The following DHX57 variants were observed in gnomAD, a reference collection of about 807,000 sequenced individuals.
The protein encoded by DHX57 is putative ATP-dependent RNA helicase DHX57.
Under a neutral mutation model 156.2 loss-of-function variants are expected in DHX57, and 105 were observed. The ratio of observed to expected loss-of-function variants is 0.67; its 90% CI spans 0.57 to 0.79. The LOEUF is 0.79. Ranked by LOEUF, DHX57 falls within the 30% of genes least tolerant of loss-of-function variation. The pLI is 0.00. For missense variants in DHX57, 1,847 were observed against 1,661.9 expected (o/e 1.11, Z -1.94); for synonymous variants, 704 against 595.6 (o/e 1.18, Z -2.65).
chr2:38,843,055 G>T lies in DHX57; in HGVS notation c.2375C>A (p.Ala792Glu). 6.2e-7 allele frequency: 1 copy of T among 1,614,186 alleles called. No individual in the cohort carries two copies. Among genetic ancestry groups the T allele is most frequent in the Non-Finnish European group, 8.5e-7 (1 of 1,180,004 alleles). ...HLQDQDSVKD[A>E]VPDQQLDFKQ... ...AAAATCTAACTGTTGATCTGGCACT[G>T]CATCTTTGACAGAATCCTGATCCTG... The change falls in exon 12 of 24, where the codon GCA becomes GAA. Residue 792 changes from alanine to glutamate, a missense_variant. Physicochemically the swap from Ala to Glu is moderately radical, Grantham distance 107. Transcript: ENST00000457308.
intron 9 of DHX57, among the ~76,000 whole-genome samples, chr2:38,850,962 G>A (rs553445033): frequency 7.9e-5 from 12 of 151,944 alleles, no homozygotes; most frequent in African/African-American, 1.5e-4. Flanking sequence ...CTGTAGTTGC[G>A]GCTACTTGGG....
chr2:38,859,578 G>C (rs1219998473), intron 5 of DHX57, among the ~76,000 whole-genome samples: 3 of 152,134 alleles, frequency 2.0e-5, no homozygotes, highest in Non-Finnish European at 4.4e-5. Flanking sequence ...TAGAAAAAAA[G>C]TGCATGACAC....
At chr2:38,859,936 G>C (rs746774243) in intron 5 of DHX57, among the ~76,000 whole-genome samples, 1 of 151,094 alleles carries the variant, frequency 6.6e-6, no homozygotes, top group Non-Finnish European at 1.5e-5. Context: ...TCAGCCTCTT[G>C]AGTACCTGGG....
rs534508973 is a variant in DHX57 at position 38,810,858 on chromosome 2, G to T, written c.3681+2963C>A. The T allele has an allele frequency of 5.0e-5, 37 of 742,480 alleles. 1 individual carries two copies. The highest frequency in any genetic ancestry group is 4.3e-4 in the South Asian group (32 of 74,590). The allele number at this position is 742,480 out of a possible 1,614,324, so 46.0% of individuals were successfully genotyped here. ...AGATACCTCAGGACTTCATTTCAAT[G>T]AAGCGGTTCTCCACGATGTCAATAT... On this transcript the variant is annotated intron_variant, in intron 21 of 23. Coordinates refer to ENST00000457308, the MANE Select transcript of DHX57 (RefSeq NM_198963.3).
At chr2:38,806,779 T>C (rs1167359926) in intron 21 of DHX57, 86 bp from the exon 22 acceptor site, 2 of 1,273,324 alleles carry the variant, frequency 1.6e-6, no homozygotes, top group Admixed American at 4.9e-5. Context: ...ACAAAACCAG[T>C]CTTGCTCAGT....
rs554619191 is a variant in DHX57 at position 38,798,819 on chromosome 2, C to A, written c.4018-377G>T. Among the ~76,000 whole-genome samples the A allele has an allele frequency of 8.5e-5, 13 of 152,256 alleles. No homozygotes were observed. In the South Asian group the frequency reaches 2.7e-3, roughly 32 times the overall value. Reference sequence around the variant, plus strand: ...ATTAGCGAGTTGTGGTGGCATGCGCCTGTAATCCCAGCTACTCAGAGGCTG... The same window carrying A: ...ATTAGCGAGTTGTGGTGGCATGCGCATGTAATCCCAGCTACTCAGAGGCTG... On this transcript the variant is annotated intron_variant, in intron 23 of 23. Transcript: ENST00000457308.
In DHX57 at chr2:38,862,282, A is replaced by G; in HGVS notation, c.435T>C (p.Asp145=). The change falls in exon 4 of 24, where the codon GAT becomes GAC. Residue 145 remains aspartate, a synonymous_variant. Transcript: ENST00000457308. ...CCTGTCCAGCTGGCCAGTACCGCTCATCGTTACAGCAATCAGGCTCATCAT... is the reference window on the plus strand; with the variant it reads ...CCTGTCCAGCTGGCCAGTACCGCTCGTCGTTACAGCAATCAGGCTCATCAT... ...EEDDEPDCCN[D]ERYWPAGQEP... 6.2e-7 allele frequency: 1 copy of G among 1,610,268 alleles called. No homozygotes were observed. The highest frequency in any genetic ancestry group is 8.5e-7 in the Non-Finnish European group (1 of 1,177,366).
At chr2:38,828,617 G>A (rs1009993189) in intron 13 of DHX57, among the ~76,000 whole-genome samples, 181 bp from the exon 14 acceptor site, 1 of 151,938 alleles carries the variant, frequency 6.6e-6, no homozygotes, top group African/African-American at 2.4e-5. Context: ...CAGCTACTCG[G>A]CAGGCTGAGG....
At chr2:38,852,400 A>G (rs1291876775) in intron 9 of DHX57, among the ~76,000 whole-genome samples, 2 of 148,144 alleles carry the variant, frequency 1.4e-5, no homozygotes, top group East Asian at 3.9e-4. Flanking sequence ...CAGTCCACCA[A>G]GTTTACTTAG....
At chr2:38,835,279 T>A (rs553109519) in intron 13 of DHX57, among the ~76,000 whole-genome samples, 169 of 152,306 alleles carry the variant, frequency 1.1e-3, no homozygotes, top group African/African-American at 3.7e-3. Flanking sequence ...CAGGAAGGGA[T>A]AGGCTAAATC....
At chr2:38,846,240 T>C (rs999130690) in intron 11 of DHX57, among the ~76,000 whole-genome samples, 3 of 152,220 alleles carry the variant, frequency 2.0e-5, no homozygotes, top group Admixed American at 2.0e-4. Flanking sequence ...ATTAATTCAT[T>C]AATTTTTTAA....
chr2:38,822,480 G>A (rs1670874222), intron 17 of DHX57, among the ~76,000 whole-genome samples: 2 of 151,872 alleles, frequency 1.3e-5, no homozygotes, highest in South Asian at 2.1e-4. Context: ...AGCAACCTCC[G>A]CCTCCCAGGT....
At position 38,855,144 on chromosome 2, in the gene DHX57, T is replaced by A. The variant is rs745987423; in HGVS notation, c.1818A>T (p.Ala606=). 58 of 1,614,042 alleles carry A rather than the reference T, an allele frequency of 3.6e-5. No homozygotes were observed. Among genetic ancestry groups the A allele is most frequent in the South Asian group, 8.8e-5 (8 of 91,086 alleles). The change falls in exon 8 of 24, where the codon GCA becomes GCT. Residue 606 remains alanine (A), a synonymous_variant. Coordinates refer to ENST00000457308, the MANE Select transcript of DHX57 (RefSeq NM_198963.3). Reference sequence around the variant, plus strand: ...TAGCAACGCGTTCAGCAACAGAGATTGCAGAGATTCGTCGGGGTTGGGTAC... The same window carrying A: ...TAGCAACGCGTTCAGCAACAGAGATAGCAGAGATTCGTCGGGGTTGGGTAC... The part of the protein sequence containing the change: ...IICTQPRRIS[A]ISVAERVAKE...
Position 38,826,423 on chromosome 2 carries a change from C to T in DHX57, c.2813+93G>A, listed in dbSNP as rs530933468. 9 of 1,397,972 alleles carry T rather than the reference C, an allele frequency of 6.4e-6. No homozygotes were observed. In the Admixed American group the frequency reaches 1.4e-4, roughly 22 times the overall value. The allele number at this position is 1,397,972 out of a possible 1,614,324, so 86.6% of individuals were successfully genotyped here. ...ACAAAGTATTTTTTCATACAGTAAT[C>T]CGTGTAGCTTAATAGCATTAGCCAC... On this transcript the variant is annotated intron_variant, in intron 15 of 23. Transcript: ENST00000457308.
At chr2:38,847,884 C>A (rs552445163) in intron 10 of DHX57, among the ~76,000 whole-genome samples, 19 of 152,102 alleles carry the variant, frequency 1.2e-4, no homozygotes, top group East Asian at 3.9e-4. Context: ...GAGATGGAGA[C>A]CATCCTGGCT....
chr2:38,835,743 T>A (rs750568453), intron 13 of DHX57, among the ~76,000 whole-genome samples: 4 of 152,162 alleles, frequency 2.6e-5, no homozygotes, highest in African/African-American at 9.7e-5. Flanking sequence ...ACGGTTGTTA[T>A]TGAAAAAGTG....
intron 12 of DHX57, among the ~76,000 whole-genome samples, chr2:38,841,269 C>A (rs1007836782): frequency 1.3e-5 from 2 of 152,128 alleles, no homozygotes; most frequent in African/African-American, 4.8e-5. Context: ...GGGCACTATC[C>A]TTGTGGGTTT....
chr2:38,798,482 C>T (rs1189307751), intron 23 of DHX57, 40 bp from the exon 24 acceptor site: 3 of 1,566,690 alleles, frequency 1.9e-6, no homozygotes, highest in African/African-American at 1.4e-5. Flanking sequence ...CTTGGAGGAA[C>T]AGGCAGGATA....
chr2:38,847,028 G>A lies in DHX57; in HGVS notation c.2210C>T (p.Ala737Val). 2 of 1,612,808 alleles carry A rather than the reference G, an allele frequency of 1.2e-6. No homozygotes were observed. Among genetic ancestry groups the A allele is most frequent in the Non-Finnish European group, 1.7e-6 (2 of 1,179,196 alleles). Residue 737 changes from alanine to valine, a missense_variant, in exon 11 of 24, where the codon GCT (alanine) becomes GTT (valine). By Grantham distance (64) the Ala-to-Val change is moderately conservative. Transcript: ENST00000457308. ...TTAATATCTTCCTTACCTTGTCACAGCAATTGCATCTTCCAAAAAAAATTG... is the reference window on the plus strand; with the variant it reads ...TTAATATCTTCCTTACCTTGTCACAACAATTGCATCTTCCAAAAAAAATTG... Reference protein sequence around the residue: ...VDQFFLEDAIAVTRYVLQDGS... With the variant: ...VDQFFLEDAIVVTRYVLQDGS...
Sources: allele counts gnomAD v4.1 joint callset (sites outside exome capture counted in the v4.1 genomes callset), GRCh38; gene constraint gnomAD v4.1.1; transcripts MANE v1.5; gene names NCBI Gene and HGNC (gene_info 2026-07-23, HGNC 2026-07-21).